Variants in TBCA observed in about 807,000 individuals in gnomAD.
TBCA encodes tubulin folding cofactor A, also known as tubulin-specific chaperone A.
Under a neutral mutation model 15.8 loss-of-function variants are expected in TBCA, and 6 were observed. That is an observed-to-expected ratio of 0.38 (90% CI 0.21 to 0.75). TBCA has a LOEUF of 0.75. TBCA is among the 30% of genes least tolerant of loss of function. The pLI is 0.46. For missense variants in TBCA, 90 were observed against 131.2 expected (o/e 0.69, Z 1.53); for synonymous variants, 32 against 42.3 (o/e 0.76, Z 0.94).
At chr5:77,700,601 T>G (rs1242992835) in intron 2 of TBCA, among the ~76,000 whole-genome samples, 2 of 152,200 alleles carry the variant, frequency 1.3e-5, no homozygotes, top group Non-Finnish European at 2.9e-5. Flanking sequence ...AGAAATTGAA[T>G]CATTGCTGGT....
intron 1 of TBCA, among the ~76,000 whole-genome samples, chr5:77,774,987 A>G (rs1169688278): frequency 1.3e-5 from 2 of 148,964 alleles, no homozygotes; most frequent in Admixed American, 1.3e-4. Context: ...GATTAAAAAA[A>G]AAAAAAAAAA....
intron 1 of TBCA, among the ~76,000 whole-genome samples, chr5:77,772,776 T>C (rs551132395): frequency 5.9e-5 from 9 of 152,344 alleles, no homozygotes; most frequent in African/African-American, 1.4e-4. Flanking sequence ...TTTGAGATAA[T>C]AGTAAACTAT....
At chr5:77,731,304 G>A (rs1451846941) in intron 1 of TBCA, among the ~76,000 whole-genome samples, 3 of 152,090 alleles carry the variant, frequency 2.0e-5, no homozygotes, top group Admixed American at 6.6e-5. Context: ...TTATTATCTA[G>A]AGCTAAATTG....
intron 1 of TBCA, among the ~76,000 whole-genome samples, chr5:77,715,654 C>A (rs1194678248): frequency 3.9e-5 from 6 of 152,110 alleles, no homozygotes; most frequent in African/African-American, 1.4e-4. Flanking sequence ...TCCATTTAAC[C>A]TGGATTTATA....
intron 1 of TBCA, among the ~76,000 whole-genome samples, chr5:77,736,432 C>T (rs977520800): frequency 3.3e-5 from 5 of 152,010 alleles, no homozygotes; most frequent in African/African-American, 1.2e-4. Flanking sequence ...TTCAAATTGT[C>T]CCTGGAATTC....
chr5:77,717,307 G>T (rs943559540), intron 1 of TBCA, among the ~76,000 whole-genome samples: 4 of 152,156 alleles, frequency 2.6e-5, no homozygotes, highest in African/African-American at 4.8e-5. Context: ...AGATTGTTCT[G>T]TAAGTACAGA....
At chr5:77,775,028 A>G (rs146273965) in intron 1 of TBCA, among the ~76,000 whole-genome samples, 2 of 151,228 alleles carry the variant, frequency 1.3e-5, no homozygotes, top group African/African-American at 4.8e-5. Context: ...ATTTGCCCCC[A>G]AGGAAATTCC....
intron 1 of TBCA, among the ~76,000 whole-genome samples, chr5:77,732,809 T>C (rs1400853697): frequency 6.6e-6 from 1 of 152,210 alleles, no homozygotes; most frequent in Non-Finnish European, 1.5e-5. Flanking sequence ...ACTCAATCGA[T>C]GAATGTGTAT....
intron 2 of TBCA, among the ~76,000 whole-genome samples, chr5:77,701,837 G>A (rs983708603): frequency 6.6e-6 from 1 of 151,116 alleles, no homozygotes; most frequent in African/African-American, 2.4e-5. Context: ...ATAGATATAT[G>A]ATGGAATACT....
chr5:77,768,170 G>GT (rs1272486606), intron 1 of TBCA, among the ~76,000 whole-genome samples: 1 of 152,132 alleles, frequency 6.6e-6, no homozygotes, highest in African/African-American at 2.4e-5. Flanking sequence ...CCAGTCTCAG[G>GT]TATTTTTTTA....
At chr5:77,733,843 G>A (rs754170898) in intron 1 of TBCA, among the ~76,000 whole-genome samples, 23 of 152,178 alleles carry the variant, frequency 1.5e-4, no homozygotes, top group Non-Finnish European at 2.9e-4. Flanking sequence ...AACTTCCATA[G>A]GTAGAAATTA....
intron 1 of TBCA, among the ~76,000 whole-genome samples, chr5:77,714,652 C>T (rs192731946): frequency 2.6e-5 from 4 of 151,632 alleles, no homozygotes; most frequent in African/African-American, 7.3e-5. Flanking sequence ...CTGCAAGCTC[C>T]GCCTCCCAGG....
intron 2 of TBCA, among the ~76,000 whole-genome samples, chr5:77,701,026 G>A (rs543583534): frequency 5.6e-4 from 85 of 152,072 alleles, no homozygotes; most frequent in African/African-American, 1.9e-3. Context: ...TCATAACTAA[G>A]AACCCAAAAG....
intron 1 of TBCA, among the ~76,000 whole-genome samples, chr5:77,753,194 T>A (rs1182608377): frequency 6.6e-6 from 1 of 152,180 alleles, no homozygotes; most frequent in Non-Finnish European, 1.5e-5. Context: ...GATTTTAAAC[T>A]ACTGAAGAGA....
chr5:77,693,080 T>C, intron 3 of TBCA, 186 bp downstream of exon 3: 1 of 1,457,574 alleles, frequency 6.9e-7, no homozygotes, highest in Non-Finnish European at 9.0e-7. Context: ...AACAGTACTT[T>C]TACTGGAGGC....
intron 1 of TBCA, among the ~76,000 whole-genome samples, chr5:77,721,205 C>T (rs187941738): frequency 1.8e-3 from 271 of 152,276 alleles, no homozygotes; most frequent in Non-Finnish European, 3.2e-3. Flanking sequence ...GGTGACCTAT[C>T]AACTCAGGTT....
intron 1 of TBCA, among the ~76,000 whole-genome samples, chr5:77,709,650 A>G (rs1746231639): frequency 6.6e-6 from 1 of 152,206 alleles, no homozygotes. Context: ...TAAACAGAGT[A>G]ACCATATGTC....
At chr5:77,694,841 G>A (rs532279738) in intron 2 of TBCA, among the ~76,000 whole-genome samples, 1 of 152,072 alleles carries the variant, frequency 6.6e-6, no homozygotes, top group African/African-American at 2.4e-5. Context: ...TATTTTCTCA[G>A]GTGGAAATCT....
Position 77,706,514 on chromosome 5 carries a change from G to A in TBCA, c.159+1728C>T, listed in dbSNP as rs1466289975. Among the ~76,000 whole-genome samples the A allele has an allele frequency of 7.9e-5, 12 of 151,996 alleles. No homozygotes were observed. In the East Asian group the frequency reaches 2.1e-3, roughly 27 times the overall value. ...GGCAATAGAGAGAAAAATAGAGAGA[G>A]TAAGAAATAGGAGGTGCTGGCTGGG... is the stretch of plus-strand genomic sequence containing the variant. On this transcript the variant is annotated intron_variant, in intron 2 of 3. Transcript: ENST00000380377.
Sources: allele counts gnomAD v4.1 joint callset (sites outside exome capture counted in the v4.1 genomes callset), GRCh38; gene constraint gnomAD v4.1.1; transcripts MANE v1.5; gene names NCBI Gene and HGNC (gene_info 2026-07-23, HGNC 2026-07-21).